Variants in ANKS1A observed in about 807,000 individuals in gnomAD.
ANKS1A encodes ankyrin repeat and sterile alpha motif domain containing 1A, also known as ankyrin repeat and SAM domain-containing protein 1A.
Under a neutral mutation model 120.3 loss-of-function variants are expected in ANKS1A, and 55 were observed. The observed-to-expected ratio is 0.46, with a 90% CI of 0.37 to 0.57. The LOEUF is 0.57. Among genes scored for constraint, ANKS1A ranks in the 20% least tolerant of loss-of-function variants. The pLI is 0.00. For missense variants in ANKS1A, 1,123 were observed against 1,480.3 expected (o/e 0.76, Z 3.96); for synonymous variants, 590 against 604.7 (o/e 0.98, Z 0.36).
At chr6:35,093,933 AAG>A (rs1778382891), downstream of ANKS1A, among the ~76,000 whole-genome samples, 4 of 152,192 alleles carry the variant, frequency 2.6e-5, no homozygotes, top group Non-Finnish European at 5.9e-5. Context: ...GGGCCTGGTG[AAG>A]AGACAGAACG....
chr6:35,026,327 T>G (rs1774622633), intron 11 of ANKS1A, among the ~76,000 whole-genome samples: 1 of 152,236 alleles, frequency 6.6e-6, no homozygotes, highest in Non-Finnish European at 1.5e-5. Flanking sequence ...TGAAGTATAT[T>G]TGTATTACAG....
intron 11 of ANKS1A, among the ~76,000 whole-genome samples, chr6:35,048,983 C>T (rs1052937258): frequency 6.6e-6 from 1 of 152,216 alleles, no homozygotes; most frequent in Non-Finnish European, 1.5e-5. Flanking sequence ...GTGGCACCAG[C>T]GAAAGTGAGA....
chr6:34,948,154 T>TG (rs1769895167), intron 1 of ANKS1A, among the ~76,000 whole-genome samples: 2 of 151,498 alleles, frequency 1.3e-5, no homozygotes, highest in South Asian at 2.1e-4. Context: ...TTTAGGTGTT[T>TG]TTTTTTTTTT....
intron 11 of ANKS1A, among the ~76,000 whole-genome samples, chr6:35,025,557 C>A (rs961601918): frequency 6.6e-6 from 1 of 152,064 alleles, no homozygotes; most frequent in Non-Finnish European, 1.5e-5. Context: ...CACTTCCCAC[C>A]GATGCATTTC....
In ANKS1A at chr6:35,079,628, T is replaced by A. The variant is rs374618664; in HGVS notation, c.2396T>A (p.Ile799Asn). 6.2e-7 allele frequency: 1 copy of A among 1,614,172 alleles called. No homozygotes were observed. The highest frequency in any genetic ancestry group is 8.5e-7 in the Non-Finnish European group (1 of 1,180,026). The change falls in exon 15 of 24, where the codon ATT (isoleucine) becomes AAT (asparagine). Residue 799 changes from isoleucine to asparagine, a missense_variant. Coordinates refer to ENST00000360359, the MANE Select transcript of ANKS1A (RefSeq NM_015245.3). Reference sequence around the variant, plus strand: ...TTCTTGTCAAGTGGTTACAGCTCCATTGACACCGTGAAGAACCTCTGGGAG... The same window carrying A: ...TTCTTGTCAAGTGGTTACAGCTCCAATGACACCGTGAAGAACCTCTGGGAG... ...HSFLSSGYSS[I>N]DTVKNLWELE... is the part of the protein sequence containing the mutation.
At chr6:34,929,968 TC>T (rs1223519833) in intron 1 of ANKS1A, among the ~76,000 whole-genome samples, 1 of 152,178 alleles carries the variant, frequency 6.6e-6, no homozygotes, top group Non-Finnish European at 1.5e-5. Context: ...TGGCTTATTC[TC>T]CACATTCCTG....
At chr6:34,991,641 TAC>T (rs1328385855) in intron 9 of ANKS1A, among the ~76,000 whole-genome samples, 20 of 142,844 alleles carry the variant, frequency 1.4e-4, no homozygotes, top group African/African-American at 4.2e-4. Flanking sequence ...TATACATATA[TAC>T]ACACACATAT....
At chr6:35,093,144 G>A (rs149640644), downstream of ANKS1A, among the ~76,000 whole-genome samples, 68 of 152,170 alleles carry the variant, frequency 4.5e-4, no homozygotes, top group East Asian at 1.4e-3. Context: ...CCCTTCCTCC[G>A]TGCAGCCTCT....
rs530605297 is a variant in ANKS1A, at chr6:35,009,902, TAAAAAAAAAAAAAAAAAA to T, written c.1424-7556_1424-7539del. 3.1e-4 allele frequency: 24 copies of T among 78,466 alleles called. 1 individual carries two copies. Among genetic ancestry groups the T allele is most frequent in the Admixed American group, 1.5e-3 (6 of 4,064 alleles). 4.9% of individuals were successfully genotyped at this position (78,466 alleles called of 1,614,324 possible). A position where few individuals can be genotyped will look rare whatever the true frequency, so the allele number is the denominator to read the frequency against. On this transcript the variant is annotated intron_variant, in intron 10 of 23. Transcript: ENST00000360359. ...TGGGTGACACGAGCAAGACTCTGTC[TAAAAAAAAAAAAAAAAAA>T]AAAAAAAAAAAAAAGTCCATTGCTG...
rs1274029794 is a variant in ANKS1A, at chr6:35,082,373, C to T, written c.2710-318C>T. On this transcript the variant is annotated intron_variant, in intron 17 of 23. Coordinates refer to ENST00000360359, the MANE Select transcript of ANKS1A (RefSeq NM_015245.3). The surrounding 1 kb of genome is among the most constrained non-coding windows in gnomAD (Gnocchi z 4.1). Reference sequence around the variant, plus strand: ...GTGCAGAACAGCCTGGCAGCCTGTGCCCCCCACACAGACTCTGCCATCTCC... The same window carrying T: ...GTGCAGAACAGCCTGGCAGCCTGTGTCCCCCACACAGACTCTGCCATCTCC... 2.6e-5 allele frequency among the ~76,000 whole-genome samples: 4 copies of T among 151,754 alleles called. No homozygotes were observed. Among genetic ancestry groups the T allele is most frequent in the Admixed American group, 2.0e-4 (3 of 15,254 alleles).
intron 11 of ANKS1A, among the ~76,000 whole-genome samples, chr6:35,033,359 G>A (rs3800433): frequency 0.12 from 18,351 of 152,176 alleles, 1,747 homozygotes; most frequent in East Asian, 0.56. Context: ...CAGCCATTAC[G>A]GGCTTTACAG....
At chr6:34,993,543 G>A (rs1425118920) in intron 9 of ANKS1A, among the ~76,000 whole-genome samples, 3 of 152,220 alleles carry the variant, frequency 2.0e-5, no homozygotes, top group Non-Finnish European at 2.9e-5. Context: ...AGCAGAGATT[G>A]GTGGAAGTAA....
chr6:35,035,002 G>A (rs9462042), intron 11 of ANKS1A, among the ~76,000 whole-genome samples: 12,205 of 152,322 alleles, frequency 0.08, 595 homozygotes, highest in African/African-American at 0.12. Flanking sequence ...CTCATTACCC[G>A]CGAGTAAGTG....
intron 1 of ANKS1A, among the ~76,000 whole-genome samples, chr6:34,922,869 G>A (rs571871541): frequency 6.6e-6 from 1 of 151,950 alleles, no homozygotes; most frequent in East Asian, 1.9e-4. Context: ...AATTTTTTGT[G>A]TTTTAGTAGA....
At chr6:35,077,423 A>C (rs1189131421) in intron 13 of ANKS1A, among the ~76,000 whole-genome samples, 1 of 152,212 alleles carries the variant, frequency 6.6e-6, no homozygotes, top group Admixed American at 6.5e-5. Context: ...ATTCCGTGAT[A>C]AGAACAAGGC....
At chr6:34,895,195 GTT>G (rs34450807) in intron 1 of ANKS1A, among the ~76,000 whole-genome samples, 1 of 138,038 alleles carries the variant, frequency 7.2e-6, no homozygotes. Context: ...AAGGACTTTG[GTT>G]TTTTTTTTTT....
At chr6:35,014,359 T>C (rs558373525) in intron 10 of ANKS1A, among the ~76,000 whole-genome samples, 1 of 152,350 alleles carries the variant, frequency 6.6e-6, no homozygotes, top group East Asian at 1.9e-4. Context: ...CCACAAAATA[T>C]TGGTGGATTG....
intron 10 of ANKS1A, among the ~76,000 whole-genome samples, chr6:35,010,451 TG>T (rs1404566765): frequency 6.6e-6 from 1 of 152,148 alleles, no homozygotes; most frequent in Non-Finnish European, 1.5e-5. Context: ...AAGGGGAGAA[TG>T]GCACTTTAAA....
At position 35,084,340 on chromosome 6, in the gene ANKS1A, G is replaced by T; in HGVS notation, c.3132+82G>T. On this transcript the variant is annotated intron_variant, in intron 21 of 23. Coordinates refer to ENST00000360359, the MANE Select transcript of ANKS1A (RefSeq NM_015245.3). This position sits in a 1 kb window ranked among gnomAD's most constrained non-coding sequence, Gnocchi z 4.8. ...CAGCCCCATTGCAGGGCACAGATGC[G>T]GCGCTGTCCTGGCCCCTGGCCAGTG... 1 of 1,552,084 alleles carries T rather than the reference G, an allele frequency of 6.4e-7. No individual in the cohort carries two copies. Among genetic ancestry groups the T allele is most frequent in the Non-Finnish European group, 8.7e-7 (1 of 1,150,524 alleles).
Sources: allele counts gnomAD v4.1 joint callset (sites outside exome capture counted in the v4.1 genomes callset), GRCh38; gene constraint gnomAD v4.1.1; non-coding constraint Gnocchi (gnomAD v3.1); transcripts MANE v1.5; gene names NCBI Gene and HGNC (gene_info 2026-07-23, HGNC 2026-07-21).